The following POPDC3 variants were observed in gnomAD, a reference collection of about 807,000 sequenced individuals.
POPDC3 encodes the protein popeye domain-containing protein 3.
POPDC3 carries 20 observed loss-of-function variants against 28.2 expected under a neutral mutation model. That is an observed-to-expected ratio of 0.71 (90% CI 0.50 to 1.03). POPDC3 has a LOEUF of 1.03. Among genes scored for constraint, POPDC3 ranks in the 50% least tolerant of loss-of-function variants. The pLI is 0.00. For synonymous variants in POPDC3, 118 were observed against 124.1 expected, an observed-to-expected ratio of 0.95 and a Z score of 0.33; for missense variants, 316 against 345.9, an observed-to-expected ratio of 0.91 and a Z score of 0.69.
Position 105,179,944 on chromosome 6 carries a change from A to G in POPDC3, c.-363T>C, listed in dbSNP as rs1232270667. On this transcript the variant is annotated 5_prime_UTR_variant, in exon 1 of 4. Transcript: ENST00000254765. ...GGAAGCCCTCAGCGTCCCCCTCGTGAGTGCCTCGCCGCCCACCCTGCGGCG... is the reference window on the plus strand; with the variant it reads ...GGAAGCCCTCAGCGTCCCCCTCGTGGGTGCCTCGCCGCCCACCCTGCGGCG... 1 of 149,562 alleles carries G rather than the reference A, an allele frequency of 6.7e-6. No homozygotes were observed. Among genetic ancestry groups the G allele is most frequent in the African/African-American group, 2.4e-5 (1 of 41,048 alleles). The allele number at this position is 149,562 out of a possible 1,614,324, so 9.3% of individuals were successfully genotyped here.
intron 1 of POPDC3, among the ~76,000 whole-genome samples, chr6:105,164,274 T>A (rs541705306): frequency 6.6e-6 from 1 of 152,284 alleles, no homozygotes; most frequent in Non-Finnish European, 1.5e-5. Flanking sequence ...TTCGTGGCAA[T>A]TCAGAAGGGA....
intron 1 of POPDC3, among the ~76,000 whole-genome samples, chr6:105,177,836 G>C (rs1032777283): frequency 6.6e-6 from 1 of 152,184 alleles, no homozygotes; most frequent in Non-Finnish European, 1.5e-5. Flanking sequence ...AAGTAAGAAA[G>C]TCTCGCTAAA....
chr6:105,178,563 G>GACACACAC (rs56060844), intron 1 of POPDC3: 1 of 152,858 alleles, frequency 6.5e-6, no homozygotes, highest in African/African-American at 2.5e-5. Context: ...AACTCCTGAA[G>GACACACAC]ACACACACAC....
At chr6:105,166,196 G>C (rs893183856) in intron 1 of POPDC3, among the ~76,000 whole-genome samples, 1 of 152,092 alleles carries the variant, frequency 6.6e-6, no homozygotes, top group Non-Finnish European at 1.5e-5. Context: ...CATCATAAGA[G>C]CTCTAAAATG....
intron 1 of POPDC3, among the ~76,000 whole-genome samples, chr6:105,173,656 TC>T (rs915139126): frequency 5.9e-5 from 9 of 152,218 alleles, no homozygotes; most frequent in South Asian, 2.1e-4. Context: ...CTAACCTGCT[TC>T]TGTTTATACC....
chr6:105,178,843 C>T (rs1248271669), intron 1 of POPDC3: 1 of 985,212 alleles, frequency 1.0e-6, no homozygotes, highest in Non-Finnish European at 1.2e-6. Flanking sequence ...AAAAAATAGC[C>T]ACTAAACTTA....
rs1774219382 is a variant in POPDC3 at position 105,157,954 on chromosome 6, T to C, written c.*516A>G. Among the ~76,000 whole-genome samples, 1 of 152,224 alleles carries C rather than the reference T, an allele frequency of 6.6e-6. No individual in the cohort carries two copies. Among genetic ancestry groups the C allele is most frequent in the Non-Finnish European group, 1.5e-5 (1 of 68,038 alleles). ...AATAAAATAGGCTTCAAGATTCACA[T>C]ATTATTATCTCTTGCATTTATTCTA... On this transcript the variant is annotated 3_prime_UTR_variant, in exon 4 of 4. Transcript: ENST00000254765.
chr6:105,163,600 A>T (rs949410720), intron 1 of POPDC3: 1 of 152,218 alleles, frequency 6.6e-6, no homozygotes, highest in East Asian at 1.9e-4. Flanking sequence ...CTTGCCCCAT[A>T]GGAGAAAAAA....
intron 1 of POPDC3, among the ~76,000 whole-genome samples, chr6:105,178,222 A>G (rs1266003313): frequency 6.6e-6 from 1 of 152,174 alleles, no homozygotes; most frequent in African/African-American, 2.4e-5. Context: ...CATGTTGCTT[A>G]TGTGTTATGC....
rs1211647506 is a variant in POPDC3 at position 105,159,805 on chromosome 6, A to G, written c.500T>C (p.Val167Ala). Residue 167 changes from valine (V) to alanine (A), a missense_variant, in exon 3 of 4, where the codon GTT (valine) becomes GCT (alanine). Val to Ala is a moderately conservative substitution (Grantham distance 64, BLOSUM62 0). Transcript: ENST00000254765. ...AATGTAATGCAGAAATTCGCCATCA[A>G]CTGTCACTCTGATCCTATCAAAACA... The part of the protein sequence containing the change: ...LLVSGRIRVT[V>A]DGEFLHYIFP... 16 of 1,612,046 alleles carry G rather than the reference A, an allele frequency of 9.9e-6. No homozygotes were observed. The highest frequency in any genetic ancestry group is 5.3e-5 in the African/African-American group (4 of 74,798).
At position 105,158,436 on chromosome 6, in the gene POPDC3, C is replaced by CT; in HGVS notation, c.*33dup. ...CACTGGGGAATGATGAAGAGAGAGT[C>CT]TTTTTTTATACTTATAAATTTCAGA... is the stretch of plus-strand genomic sequence containing the variant. On this transcript the variant is annotated 3_prime_UTR_variant, in exon 4 of 4. Coordinates refer to ENST00000254765, the MANE Select transcript of POPDC3 (RefSeq NM_022361.5). 6.5e-7 allele frequency: 1 copy of CT among 1,528,566 alleles called. No homozygotes were observed. The highest frequency in any genetic ancestry group is 1.4e-5 in the African/African-American group (1 of 72,184). 94.7% of individuals were successfully genotyped at this position (1,528,566 alleles called of 1,614,324 possible). A position where few individuals can be genotyped will look rare whatever the true frequency, so the allele number is the denominator to read the frequency against.
chr6:105,160,285 C>G (rs1269281889), intron 2 of POPDC3, among the ~76,000 whole-genome samples: 1 of 152,090 alleles, frequency 6.6e-6, no homozygotes, highest in East Asian at 1.9e-4. Flanking sequence ...AATCTGGGCT[C>G]CCTGCAACCT....
At chr6:105,176,630 C>G (rs750366177) in intron 1 of POPDC3, among the ~76,000 whole-genome samples, 7 of 152,074 alleles carry the variant, frequency 4.6e-5, no homozygotes, top group Non-Finnish European at 1.0e-4. Flanking sequence ...GATCTCAGCT[C>G]ACTGCAAGCT....
At chr6:105,170,180 T>G (rs1562155878) in intron 1 of POPDC3, among the ~76,000 whole-genome samples, 1 of 152,208 alleles carries the variant, frequency 6.6e-6, no homozygotes, top group Non-Finnish European at 1.5e-5. Context: ...CAAGTTCTTC[T>G]GATTTCTCCA....
intron 1 of POPDC3, among the ~76,000 whole-genome samples, chr6:105,177,292 A>T (rs1243999976): frequency 1.3e-5 from 2 of 152,218 alleles, no homozygotes; most frequent in African/African-American, 2.4e-5. Context: ...CAGACAATGT[A>T]AAATGAAATC....
intron 1 of POPDC3, among the ~76,000 whole-genome samples, chr6:105,162,852 C>G (rs7738109): frequency 0.18 from 28,096 of 152,140 alleles, 4,076 homozygotes; most frequent in African/African-American, 0.41. Flanking sequence ...ATGTGTTAAT[C>G]CATGGTCCTC....
At chr6:105,162,192 AT>A in intron 1 of POPDC3, 32 bp from the exon 2 acceptor site, 1 of 1,155,964 alleles carries the variant, frequency 8.7e-7, no homozygotes, top group Non-Finnish European at 1.1e-6. Context: ...AAAGGATCTA[AT>A]TAAACAAAAA....
In POPDC3 at chr6:105,158,664, A is replaced by G. The variant is rs371162422; in HGVS notation, c.682T>C (p.Ser228Pro). Residue 228 changes from serine to proline, a missense_variant, in exon 4 of 4, where the codon TCC becomes CCC. Transcript: ENST00000254765. ...YLLFAQHRYISRLFSVLIGSD... is the reference protein window; with the variant it reads ...YLLFAQHRYIPRLFSVLIGSD... ...CCAATTAGCACTGAAAAAAGGCGGG[A>G]GATGTAGCGATGCTGAGCAAAGAGC... is the stretch of plus-strand genomic sequence containing the variant. 8.1e-6 allele frequency: 13 copies of G among 1,614,022 alleles called. No homozygotes were observed. The highest frequency in any genetic ancestry group is 2.7e-5 in the African/African-American group (2 of 74,926).
At chr6:105,179,647 G>A (rs1258319563) in intron 1 of POPDC3, among the ~76,000 whole-genome samples, 186 bp downstream of exon 1, 1 of 152,108 alleles carries the variant, frequency 6.6e-6, no homozygotes, top group Non-Finnish European at 1.5e-5. Context: ...CCCAGGGCGC[G>A]GAGTTGACCG....
Sources: gnomAD v4.1 joint callset for allele counts (sites outside exome capture counted in the v4.1 genomes callset) on GRCh38, gnomAD v4.1.1 for gene constraint, MANE v1.5 for transcripts, NCBI Gene and HGNC (gene_info 2026-07-23, HGNC 2026-07-21) for gene names.